Variants in NRXN1 observed in about 807,000 individuals in gnomAD.
The protein encoded by NRXN1 is neurexin 1.
NRXN1 carries 39 observed loss-of-function variants against 150.9 expected under a neutral mutation model. That is an observed-to-expected ratio of 0.26 (90% confidence interval 0.20 to 0.34). NRXN1 has a LOEUF of 0.34. NRXN1 is among the 10% of genes least tolerant of loss of function. NRXN1 has a pLI of 1.00. For synonymous variants in NRXN1, 924 were observed against 757.0 expected, an observed-to-expected ratio of 1.22 and a Z score of -3.62; for missense variants, 1,815 against 1,949.9, an observed-to-expected ratio of 0.93 and a Z score of 1.30.
Position 50,069,858 on chromosome 2 carries a change from T to G in NRXN1, c.3719-14814A>C, listed in dbSNP as rs959680709. 5.3e-4 allele frequency among the ~76,000 whole-genome samples: 80 copies of G among 150,180 alleles called. 2 individuals are homozygous for G. Among genetic ancestry groups the G allele is most frequent in the Admixed American group, 1.3e-4 (2 of 15,088 alleles). ...AGGAGATTTTGGGGGTTTTTTTTTT[T>G]TTTTTTTTTTGAGACAGAGTCTCGC... On this transcript the variant is annotated intron_variant, in intron 19 of 22. Coordinates refer to ENST00000401669, the MANE Select transcript of NRXN1 (RefSeq NM_001330078.2).
At chr2:50,278,000 A>C (rs2070780092) in intron 17 of NRXN1, among the ~76,000 whole-genome samples, 2 of 150,776 alleles carry the variant, frequency 1.3e-5, no homozygotes, top group African/African-American at 4.9e-5. Flanking sequence ...AACTCAAAAC[A>C]TCCAACAATA....
intron 5 of NRXN1, among the ~76,000 whole-genome samples, chr2:50,681,066 A>G (rs1159278429): frequency 2.0e-5 from 3 of 152,216 alleles, no homozygotes; most frequent in African/African-American, 7.2e-5. Context: ...GAACTTATTC[A>G]TCTACCAACA....
At chr2:49,969,880 A>T (rs774149825) in intron 21 of NRXN1, 5 of 152,156 alleles carry the variant, frequency 3.3e-5, no homozygotes, top group Non-Finnish European at 5.9e-5. Flanking sequence ...CTGTGAACTT[A>T]TGTAATCATG....
chr2:50,133,393 G>C (rs116613551), intron 18 of NRXN1, among the ~76,000 whole-genome samples: 2,154 of 152,272 alleles, frequency 0.014, 48 homozygotes, highest in African/African-American at 0.049. Flanking sequence ...TGTTAGATCA[G>C]AACAACCACT....
At chr2:51,029,924 G>C (rs34300360) in intron 1 of NRXN1, among the ~76,000 whole-genome samples, 21,446 of 151,498 alleles carry the variant, frequency 0.14, 1,938 homozygotes, top group Non-Finnish European at 0.2. Context: ...GTATCTTGCT[G>C]TCAGCCCTCA....
rs1255579163 is a variant in NRXN1 at position 50,466,579 on chromosome 2, A to G, written c.3245-1018T>C. ...CAAACACAGAAGAATGTTCAGATTCAAAAGGCATGCTGCTGTAAAGAGGGA... is the reference window on the plus strand; with the variant it reads ...CAAACACAGAAGAATGTTCAGATTCGAAAGGCATGCTGCTGTAAAGAGGGA... On this transcript the variant is annotated intron_variant, in intron 16 of 22. Transcript: ENST00000401669. 14 of 448,832 alleles carry G rather than the reference A, an allele frequency of 3.1e-5. No individual in the cohort carries two copies. In the Admixed American group the frequency reaches 3.3e-4, roughly 11 times the overall value. The allele number at this position is 448,832 out of a possible 1,614,324, so 27.8% of individuals were successfully genotyped here. A position where few individuals can be genotyped will look rare whatever the true frequency, so the allele number is the denominator to read the frequency against.
chr2:50,946,022 A>T (rs1690323609), intron 2 of NRXN1, among the ~76,000 whole-genome samples: 1 of 151,572 alleles, frequency 6.6e-6, no homozygotes, highest in Non-Finnish European at 1.5e-5. Flanking sequence ...TTACTCTGGA[A>T]TGACCATAGA....
chr2:50,317,073 A>G (rs2075668794), intron 17 of NRXN1, among the ~76,000 whole-genome samples: 1 of 152,058 alleles, frequency 6.6e-6, no homozygotes, highest in South Asian at 2.1e-4. Flanking sequence ...GAATGTTCAG[A>G]GAAATATTTT....
At chr2:50,994,689 T>C (rs537450181) in intron 2 of NRXN1, among the ~76,000 whole-genome samples, 10 of 152,206 alleles carry the variant, frequency 6.6e-5, no homozygotes, top group Admixed American at 2.0e-4. Context: ...TATTAACAGA[T>C]AATTACTAAA....
intron 18 of NRXN1, among the ~76,000 whole-genome samples, chr2:50,180,481 G>C (rs969338424): frequency 6.6e-6 from 1 of 152,150 alleles, no homozygotes; most frequent in African/African-American, 2.4e-5. Context: ...CAGTGTAACA[G>C]TGTTGGGAGA....
intron 16 of NRXN1, among the ~76,000 whole-genome samples, chr2:50,470,095 A>G (rs1393587839): frequency 6.6e-6 from 1 of 151,656 alleles, no homozygotes; most frequent in Non-Finnish European, 1.5e-5. Context: ...CATTTCTTGT[A>G]GGTGAGAAGT....
At chr2:50,844,151 G>C (rs551946233) in intron 5 of NRXN1, among the ~76,000 whole-genome samples, 9 of 152,088 alleles carry the variant, frequency 5.9e-5, no homozygotes, top group Non-Finnish European at 1.3e-4. Context: ...CGGGTGTCTG[G>C]TGAGCAGGCA....
At chr2:50,622,331 C>T (rs1680173909) in intron 6 of NRXN1, among the ~76,000 whole-genome samples, 1 of 152,134 alleles carries the variant, frequency 6.6e-6, no homozygotes, top group South Asian at 2.1e-4. Flanking sequence ...CAGTTAACAG[C>T]TCTGAAAGAG....
chr2:50,572,063 G>A (rs964846429), intron 8 of NRXN1, among the ~76,000 whole-genome samples: 3 of 152,122 alleles, frequency 2.0e-5, no homozygotes, highest in South Asian at 4.1e-4. Context: ...AGACTCTGGC[G>A]GGTTGCAGAG....
chr2:50,912,485 C>A (rs6760592), intron 5 of NRXN1, among the ~76,000 whole-genome samples: 11,859 of 151,772 alleles, frequency 0.078, 506 homozygotes, highest in South Asian at 0.12. Flanking sequence ...TTTGAAAGTG[C>A]CACATATTTT....
intron 2 of NRXN1, among the ~76,000 whole-genome samples, chr2:51,024,191 C>T (rs975076631): frequency 7.9e-5 from 12 of 152,072 alleles, no homozygotes; most frequent in African/African-American, 2.4e-4. Context: ...ACCATAACAA[C>T]GGTCCAGGCA....
In NRXN1 at chr2:50,388,370, G is replaced by T. The variant is rs182871534; in HGVS notation, c.3364+77072C>A. ...TGATTCTAGTTCTAATCTCTTTGAC[G>T]ATCTTCTAGAGGTCATAATTCTGTG... On this transcript the variant is annotated intron_variant, in intron 17 of 22. Coordinates refer to ENST00000401669, the MANE Select transcript of NRXN1 (RefSeq NM_001330078.2). Among the ~76,000 whole-genome samples, 202 of 152,000 alleles carry T rather than the reference G, an allele frequency of 1.3e-3. 2 individuals carry two copies. Among genetic ancestry groups the T allele is most frequent in the East Asian group, 3.9e-4 (2 of 5,162 alleles).
intron 5 of NRXN1, among the ~76,000 whole-genome samples, chr2:50,646,412 G>A (rs1167473393): frequency 6.6e-6 from 1 of 151,898 alleles, no homozygotes; most frequent in East Asian, 1.9e-4. Context: ...TAGTGACTGG[G>A]GTGACTCTTG....
At chr2:50,099,518 G>A (rs759095029) in intron 18 of NRXN1, among the ~76,000 whole-genome samples, 2 of 152,008 alleles carry the variant, frequency 1.3e-5, no homozygotes, top group South Asian at 4.1e-4. Flanking sequence ...CTTTTGATGA[G>A]ATAATGCATA....
Sources: gnomAD v4.1 joint callset for allele counts (sites outside exome capture counted in the v4.1 genomes callset) on GRCh38, gnomAD v4.1.1 for gene constraint, MANE v1.5 for transcripts, NCBI Gene and HGNC (gene_info 2026-07-23, HGNC 2026-07-21) for gene names.